KIF13B: variants seen among roughly 807,000 people sequenced by gnomAD.
The protein encoded by KIF13B is kinesin family member 13B, also known as kinesin-like protein KIF13B.
In KIF13B, 127 loss-of-function variants were observed where a neutral mutation model predicts 222.0. The observed-to-expected ratio is 0.57, with a 90% CI of 0.50 to 0.66. KIF13B has a LOEUF of 0.66. Among genes scored for constraint, KIF13B ranks in the 30% least tolerant of loss-of-function variants. The pLI, the probability that KIF13B is intolerant of heterozygous loss-of-function variation, is 0.00. For synonymous variants in KIF13B, 976 were observed against 919.0 expected, an observed-to-expected ratio of 1.06 and a Z score of -1.12; for missense variants, 2,173 against 2,379.0, an observed-to-expected ratio of 0.91 and a Z score of 1.80.
intron 1 of KIF13B, 86 bp downstream of exon 1, chr8:29,262,894 G>A (rs1816739312): frequency 4.5e-6 from 5 of 1,105,348 alleles, no homozygotes; most frequent in Non-Finnish European, 5.0e-6. Context: ...GGGCGGGGCC[G>A]CCGGACCCCC....
intron 37 of KIF13B, among the ~76,000 whole-genome samples, chr8:29,075,702 A>G (rs1162983255): frequency 6.6e-6 from 1 of 152,250 alleles, no homozygotes; most frequent in Non-Finnish European, 1.5e-5. Flanking sequence ...GGTGAAAGCC[A>G]TGCCAGGCTC....
rs545325143 is a variant in KIF13B, at chr8:29,237,380, T to C, written c.149+7966A>G. The stretch of plus-strand genomic sequence containing the variant: ...TATTATATGCAATCTGACCACTTTA[T>C]GCTGAGTCCAGAATTCTAGGGAAAT... On this transcript the variant is annotated intron_variant, in intron 2 of 39. Transcript: ENST00000524189. 2.6e-5 allele frequency among the ~76,000 whole-genome samples: 4 copies of C among 152,304 alleles called. No homozygotes were observed. In the East Asian group the frequency reaches 5.8e-4, roughly 22 times the overall value.
chr8:29,113,181 C>T (rs1050608151), intron 32 of KIF13B, among the ~76,000 whole-genome samples: 4 of 152,234 alleles, frequency 2.6e-5, no homozygotes, highest in Admixed American at 6.5e-5. Flanking sequence ...TACGCTGCCT[C>T]CCTTCCTGGG....
rs2291452 is a variant in KIF13B, at chr8:29,161,031, A to G, written c.1270-164T>C. Among the ~76,000 whole-genome samples the G allele has an allele frequency of 1.1e-4, 16 of 152,272 alleles. No homozygotes were observed. The East Asian group carries it at 2.9e-3, about 27-fold the overall frequency. Reference sequence around the variant, plus strand: ...TATTGCATTTTTCTCTTTCCAAACTATATGATTTTTTTGTTAATTCTAATT... The same window carrying G: ...TATTGCATTTTTCTCTTTCCAAACTGTATGATTTTTTTGTTAATTCTAATT... On this transcript the variant is annotated intron_variant, in intron 12 of 39. Transcript: ENST00000524189.
rs1807248816 is a variant in KIF13B, at chr8:29,071,083, G to A, written c.5219-317C>T. On this transcript the variant is annotated intron_variant, in intron 39 of 39. Coordinates refer to ENST00000524189, the MANE Select transcript of KIF13B (RefSeq NM_015254.4). This position sits in a 1 kb window ranked among gnomAD's most constrained non-coding sequence, Gnocchi z 4.9. The stretch of plus-strand genomic sequence containing the variant: ...CTTGTGGAAGCATAGGTGCAGGCCA[G>A]CCACTAAGGCACAACCGGCCCGCCT... Among the ~76,000 whole-genome samples, 2 of 152,206 alleles carry A rather than the reference G, an allele frequency of 1.3e-5. 1 individual carries two copies. The highest frequency in any genetic ancestry group is 4.1e-4 in the South Asian group (2 of 4,832).
At chr8:29,173,223 A>G (rs537533545) in intron 10 of KIF13B, among the ~76,000 whole-genome samples, 30 of 152,216 alleles carry the variant, frequency 2.0e-4, no homozygotes, top group Non-Finnish European at 3.7e-4. Context: ...CCAACAAAAG[A>G]TATTTGTTGT....
chr8:29,144,918 C>T, intron 18 of KIF13B, among the ~76,000 whole-genome samples: 1 of 152,178 alleles, frequency 6.6e-6, no homozygotes, highest in South Asian at 2.1e-4. Context: ...CAGTGCAGAG[C>T]CACACCTTTC....
intron 1 of KIF13B, among the ~76,000 whole-genome samples, chr8:29,246,436 TAAA>T (rs200070397): frequency 3.6e-5 from 5 of 139,354 alleles, no homozygotes; most frequent in African/African-American, 1.3e-4. Context: ...ATATATCAGT[TAAA>T]AAAAAAAAAA....
chr8:29,207,407 C>T (rs1183869744), intron 2 of KIF13B, among the ~76,000 whole-genome samples: 1 of 152,270 alleles, frequency 6.6e-6, no homozygotes, highest in African/African-American at 2.4e-5. Flanking sequence ...AGCTATATTG[C>T]CCTCTCTGTG....
chr8:29,076,078 G>A (rs1214956883), intron 37 of KIF13B, among the ~76,000 whole-genome samples: 1 of 152,234 alleles, frequency 6.6e-6, no homozygotes, highest in Non-Finnish European at 1.5e-5. Flanking sequence ...TAAAGAGACA[G>A]AGTTAAGAAT....
At chr8:29,236,603 A>G (rs1382597984) in intron 2 of KIF13B, among the ~76,000 whole-genome samples, 2 of 152,232 alleles carry the variant, frequency 1.3e-5, no homozygotes, top group African/African-American at 4.8e-5. Flanking sequence ...ACATAAAGAT[A>G]GTCACTACTC....
At chr8:29,079,987 C>G (rs1807729504) in intron 37 of KIF13B, among the ~76,000 whole-genome samples, 1 of 152,140 alleles carries the variant, frequency 6.6e-6, no homozygotes, top group Non-Finnish European at 1.5e-5. Context: ...AGAGCTAAGG[C>G]ATATAAGGAA....
chr8:29,191,430 C>T (rs139973993), intron 3 of KIF13B, among the ~76,000 whole-genome samples: 351 of 152,118 alleles, frequency 2.3e-3, no homozygotes, highest in African/African-American at 8.1e-3. Context: ...TTTTAAATAA[C>T]ATTTAAAGAT....
chr8:29,116,778 C>G, intron 31 of KIF13B, 53 bp downstream of exon 31: 2 of 1,539,066 alleles, frequency 1.3e-6, no homozygotes, highest in South Asian at 2.4e-5. Flanking sequence ...CTGCACGGCC[C>G]TACCCTCAGG....
At chr8:29,125,857 C>T (rs1810083992) in intron 26 of KIF13B, among the ~76,000 whole-genome samples, 1 of 151,982 alleles carries the variant, frequency 6.6e-6, no homozygotes, top group Admixed American at 6.6e-5. Flanking sequence ...GCCTGTAATC[C>T]CAACACTTTG....
In KIF13B at chr8:29,190,998, T is replaced by G; in HGVS notation, c.222A>C (p.Ala74=). ...TGACAGGATGCTGGATTCTATTACC[T>G]GCATACTTTTCTTTGACAGATTCAT... ...SMDESVKEKY[A]GQDIVFKCLG... is the part of the protein sequence containing the mutation. Residue 74 remains alanine (A), a splice_region_variant and synonymous_variant, in exon 4 of 40, where the codon GCA becomes GCC. Coordinates refer to ENST00000524189, the MANE Select transcript of KIF13B (RefSeq NM_015254.4). The G allele has an allele frequency of 6.2e-7, 1 of 1,610,172 alleles. No individual in the cohort carries two copies. Among genetic ancestry groups the G allele is most frequent in the Non-Finnish European group, 8.5e-7 (1 of 1,176,484 alleles).
rs372335072 is a variant in KIF13B at position 29,123,458 on chromosome 8, C to T, written c.3387G>A (p.Gln1129=). The T allele has an allele frequency of 9.3e-6, 15 of 1,614,066 alleles. No homozygotes were observed. The African/African-American group carries it at 2.0e-4, about 21-fold the overall frequency. Residue 1129 remains glutamine, a synonymous_variant, in exon 28 of 40, where the codon CAG becomes CAA. Coordinates refer to ENST00000524189, the MANE Select transcript of KIF13B (RefSeq NM_015254.4). ...TTAGGGTCAACCGCATCTCCAGAAG[C>T]TGCGCTTCACGGTCAGCATCATCCT... ...KTEDDADREA[Q]LLEMRLTLTE... is the part of the protein sequence containing the mutation.
intron 1 of KIF13B, among the ~76,000 whole-genome samples, chr8:29,262,543 C>G (rs1192898234): frequency 6.6e-6 from 1 of 151,824 alleles, no homozygotes; most frequent in Non-Finnish European, 1.5e-5. Context: ...CGGGGGGTCC[C>G]GGGCGGTCCC....
At chr8:29,197,282 A>G (rs1208716711) in intron 2 of KIF13B, among the ~76,000 whole-genome samples, 5 of 135,180 alleles carry the variant, frequency 3.7e-5, no homozygotes, top group African/African-American at 1.4e-4. Context: ...GCTTGCAGTG[A>G]GCCGAGATCC....
Sources: allele counts gnomAD v4.1 joint callset (sites outside exome capture counted in the v4.1 genomes callset), GRCh38; gene constraint gnomAD v4.1.1; non-coding constraint Gnocchi (gnomAD v3.1); transcripts MANE v1.5; gene names NCBI Gene and HGNC (gene_info 2026-07-23, HGNC 2026-07-21).